Variants in SYT6 observed in about 807,000 individuals in gnomAD.
SYT6 encodes the protein synaptotagmin-6.
In SYT6, 24 loss-of-function variants were observed where a neutral mutation model predicts 38.4. The ratio of observed to expected loss-of-function variants is 0.62; its 90% CI spans 0.45 to 0.88. The LOEUF (loss-of-function observed/expected upper bound fraction) is 0.88, where lower values mean the gene tolerates loss of function less well. Ranked by LOEUF, SYT6 falls within the 40% of genes least tolerant of loss-of-function variation. SYT6 has a pLI of 0.00. For missense variants in SYT6, 611 were observed against 621.0 expected, an observed-to-expected ratio of 0.98 and a Z score of 0.17; for synonymous variants, 265 against 241.9, an observed-to-expected ratio of 1.10 and a Z score of -0.89.
At chr1:114,098,169 T>A (rs1675756308) in intron 5 of SYT6, among the ~76,000 whole-genome samples, 1 of 152,210 alleles carries the variant, frequency 6.6e-6, no homozygotes, top group Admixed American at 6.5e-5. Flanking sequence ...CTAAGTCTCT[T>A]CACTTATTTG....
At chr1:114,130,512 G>A (rs183356003) in intron 3 of SYT6, among the ~76,000 whole-genome samples, 1 of 152,186 alleles carries the variant, frequency 6.6e-6, no homozygotes, top group East Asian at 1.9e-4. Context: ...CCAAAGCTCG[G>A]TTCTTGTTCC....
At position 114,137,775 on chromosome 1, in the gene SYT6, C is replaced by T. The variant is rs1360000391; in HGVS notation, c.791G>A (p.Ser264Asn). The T allele has an allele frequency of 1.2e-6, 2 of 1,614,162 alleles. No individual in the cohort carries two copies. The highest frequency in any genetic ancestry group is 1.1e-5 in the South Asian group (1 of 91,072). The part of the protein sequence containing the change: ...FDLPAKDFCG[S>N]SDPYVKIYLL... The stretch of plus-strand genomic sequence containing the variant: ...GTAGATCTTGACATAAGGGTCAGAG[C>T]TTCCACAAAAGTCCTTGGCAGGGAG... The change falls in exon 3 of 8, where the codon AGC becomes AAC. Residue 264 changes from serine to asparagine, a missense_variant. Coordinates refer to ENST00000610222, the MANE Select transcript of SYT6 (RefSeq NM_001253772.2).
At chr1:114,100,888 C>T (rs891774511) in intron 4 of SYT6, among the ~76,000 whole-genome samples, 1 of 152,138 alleles carries the variant, frequency 6.6e-6, no homozygotes. Context: ...TGAGGTTGCT[C>T]AGGTGCCGCC....
rs769049879 is a variant in SYT6 at position 114,139,737 on chromosome 1, C to G, written c.390G>C (p.Ala130=). The stretch of plus-strand genomic sequence containing the variant: ...GGGACGTGTGGCTGATCTTCACGGC[C>G]GCCTCCAGGAAGCCCAGGGTGCTGG... The part of the protein sequence containing the change: ...KDPSTLGFLE[A]AVKISHTSPD... Residue 130 remains alanine, a synonymous_variant, in exon 2 of 8, where the codon GCG becomes GCC. Transcript: ENST00000610222. The G allele has an allele frequency of 1.9e-6, 3 of 1,614,138 alleles. No individual in the cohort carries two copies. Among genetic ancestry groups the G allele is most frequent in the Non-Finnish European group, 2.5e-6 (3 of 1,180,022 alleles).
intron 3 of SYT6, among the ~76,000 whole-genome samples, chr1:114,130,274 A>G (rs1678071625): frequency 6.6e-6 from 1 of 151,776 alleles, no homozygotes; most frequent in Non-Finnish European, 1.5e-5. Flanking sequence ...GCCTTCTTCC[A>G]CTAGAGCATA....
Position 114,153,630 on chromosome 1 carries a change from C to T in SYT6, c.143G>A (p.Ser48Asn), listed in dbSNP as rs1039452453. 9 of 612,556 alleles carry T rather than the reference C, an allele frequency of 1.5e-5. No homozygotes were observed. Among genetic ancestry groups the T allele is most frequent in the African/African-American group, 1.4e-4 (7 of 50,566 alleles). 37.9% of individuals were successfully genotyped at this position (612,556 alleles called of 1,614,324 possible). The change falls in exon 1 of 8, where the codon AGT (serine) becomes AAT (asparagine). Residue 48 changes from serine (S) to asparagine (N), a missense_variant. By Grantham distance (46) the Ser-to-Asn change is conservative. Coordinates refer to ENST00000610222, the MANE Select transcript of SYT6 (RefSeq NM_001253772.2). ...RSFELQPPER[S>N]PSAAGAGTSV... ...GTTACCTGCGCCTGCCGCGCTGGGA[C>T]TCCGCTCTGGGGGCTGCAGCTCGAA... is the stretch of plus-strand genomic sequence containing the variant.
chr1:114,110,867 C>T (rs565160032), intron 3 of SYT6, among the ~76,000 whole-genome samples: 17 of 152,298 alleles, frequency 1.1e-4, no homozygotes, highest in African/African-American at 4.1e-4. Flanking sequence ...CCCACTCCCT[C>T]CAATCCATCC....
intron 3 of SYT6, among the ~76,000 whole-genome samples, chr1:114,110,440 G>A (rs1376605604): frequency 2.0e-5 from 3 of 152,182 alleles, no homozygotes; most frequent in Admixed American, 6.5e-5. Flanking sequence ...AAGATGGGGA[G>A]GAGCAGCCAA....
chr1:114,107,368 C>A (rs990168848), intron 3 of SYT6, among the ~76,000 whole-genome samples: 1 of 152,222 alleles, frequency 6.6e-6, no homozygotes, highest in Non-Finnish European at 1.5e-5. Flanking sequence ...CATGCAGGTG[C>A]TGAGTCTGCA....
At chr1:114,148,237 G>A (rs1464177708) in intron 1 of SYT6, among the ~76,000 whole-genome samples, 3 of 152,090 alleles carry the variant, frequency 2.0e-5, no homozygotes, top group Non-Finnish European at 4.4e-5. Context: ...CACCCATAGT[G>A]TTAGAATTCA....
rs74845959 is a variant in SYT6, at chr1:114,089,699, G to C, written c.*2435C>G. On this transcript the variant is annotated 3_prime_UTR_variant, in exon 8 of 8. Transcript: ENST00000610222. ...TTTCATTCATGATTCAGGCTGAGGAGTAGTCTACCTTGAGGGTGCTGGGGA... is the reference window on the plus strand; with the variant it reads ...TTTCATTCATGATTCAGGCTGAGGACTAGTCTACCTTGAGGGTGCTGGGGA... 4,307 of 152,504 alleles carry C rather than the reference G, an allele frequency of 0.028. 183 individuals are homozygous for C. Among genetic ancestry groups the C allele is most frequent in the African/African-American group, 0.091 (3,799 of 41,556 alleles). 9.4% of individuals were successfully genotyped at this position (152,504 alleles called of 1,614,324 possible).
intron 4 of SYT6, among the ~76,000 whole-genome samples, 175 bp from the exon 5 acceptor site, chr1:114,099,440 G>A (rs148532686): frequency 1.3e-5 from 2 of 152,284 alleles, no homozygotes; most frequent in East Asian, 3.9e-4. Context: ...TGTCTCTGAG[G>A]ACACTCTGTG....
rs61810262 is a variant in SYT6 at position 114,120,142 on chromosome 1, A to G, written c.1072-16421T>C. 4.5e-3 allele frequency among the ~76,000 whole-genome samples: 688 copies of G among 152,142 alleles called. 3 individuals are homozygous for G. The highest frequency in any genetic ancestry group is 8.1e-3 in the Non-Finnish European group (552 of 67,994). ...AAAACAAATTTGTGAGCTAGGTTTT[A>G]TAATTACCCCCACTTTGCAGTTGAA... On this transcript the variant is annotated intron_variant, in intron 3 of 7. Transcript: ENST00000610222.
At chr1:114,136,514 C>G (rs13375338) in intron 3 of SYT6, among the ~76,000 whole-genome samples, 16,908 of 152,248 alleles carry the variant, frequency 0.11, 1,014 homozygotes, top group Middle Eastern at 0.13. Flanking sequence ...GCTTCCTCAA[C>G]CCAGGGGACT....
intron 3 of SYT6, among the ~76,000 whole-genome samples, chr1:114,108,646 C>T (rs1452651721): frequency 6.6e-6 from 1 of 152,212 alleles, no homozygotes; most frequent in Non-Finnish European, 1.5e-5. Context: ...TGTCTATCGC[C>T]TGCCTCAGGG....
chr1:114,118,710 T>C (rs1410192000), intron 3 of SYT6, among the ~76,000 whole-genome samples: 2 of 152,128 alleles, frequency 1.3e-5, no homozygotes. Flanking sequence ...TTTCTCTGGC[T>C]TCCCACACAG....
At position 114,097,829 on chromosome 1, in the gene SYT6, A is replaced by G. The variant is rs1675728405; in HGVS notation, c.1413T>C (p.Ala471=). 1 of 1,614,202 alleles carries G rather than the reference A, an allele frequency of 6.2e-7. No individual in the cohort carries two copies. The highest frequency in any genetic ancestry group is 8.5e-7 in the Non-Finnish European group (1 of 1,180,040). The change falls in exon 6 of 8, where the codon GCT becomes GCC. Residue 471 remains alanine (A), a synonymous_variant. Coordinates refer to ENST00000610222, the MANE Select transcript of SYT6 (RefSeq NM_001253772.2). The stretch of plus-strand genomic sequence containing the variant: ...TCCAGTGGTCCCTGCCCAGGCCTTC[A>G]GCAGTGATCCCCACACGACAGACTC... ...IIGVCRVGIT[A]EGLGRDHWNE...
At chr1:114,109,250 C>T (rs1230370508) in intron 3 of SYT6, among the ~76,000 whole-genome samples, 1 of 152,202 alleles carries the variant, frequency 6.6e-6, no homozygotes, top group African/African-American at 2.4e-5. Flanking sequence ...ATGATGAATG[C>T]CTGTGTTTCT....
At position 114,137,957 on chromosome 1, in the gene SYT6, G is replaced by A; in HGVS notation, c.609C>T (p.Ser203=). The part of the protein sequence containing the change: ...ELPPAAEQPT[S]IGRIKPELYK... ...AGAGCTCAGGCTTGATGCGGCCAAT[G>A]CTGGTGGGCTGCTCTGCTGCTGGTG... Residue 203 remains serine, a synonymous_variant, in exon 3 of 8, where the codon AGC becomes AGT. Transcript: ENST00000610222. 3.1e-6 allele frequency: 5 copies of A among 1,614,108 alleles called. No homozygotes were observed. Among genetic ancestry groups the A allele is most frequent in the Non-Finnish European group, 4.2e-6 (5 of 1,180,030 alleles).
Sources: allele counts gnomAD v4.1 joint callset (sites outside exome capture counted in the v4.1 genomes callset), GRCh38; gene constraint gnomAD v4.1.1; transcripts MANE v1.5; gene names NCBI Gene and HGNC (gene_info 2026-07-23, HGNC 2026-07-21).